Variants in IDE observed in about 807,000 individuals in gnomAD.
IDE encodes insulin-degrading enzyme.
A neutral mutation model predicts 133.2 loss-of-function variants in IDE; 58 were observed. The ratio of observed to expected loss-of-function variants is 0.44; its 90% CI spans 0.35 to 0.54. The LOEUF (loss-of-function observed/expected upper bound fraction) is 0.54. Among genes scored for constraint, IDE ranks in the 20% least tolerant of loss-of-function variants. IDE has a pLI of 0.00. For synonymous variants in IDE, 396 were observed against 421.3 expected (o/e 0.94, Z 0.73); for missense variants, 981 against 1,234.0 (o/e 0.79, Z 3.07).
chr10:92,458,660 C>T (rs555249700), intron 22 of IDE, among the ~76,000 whole-genome samples: 69 of 152,062 alleles, frequency 4.5e-4, no homozygotes, highest in Middle Eastern at 3.4e-3. Flanking sequence ...CACCACCACG[C>T]CTGGCTAATT....
At chr10:92,572,164 C>T (rs1407850727) in intron 1 of IDE, among the ~76,000 whole-genome samples, 1 of 152,204 alleles carries the variant, frequency 6.6e-6, no homozygotes, top group African/African-American at 2.4e-5. Flanking sequence ...ATACAAACCA[C>T]TTAGTTATAC....
At chr10:92,491,572 G>A (rs916808068) in intron 11 of IDE, among the ~76,000 whole-genome samples, 3 of 151,182 alleles carry the variant, frequency 2.0e-5, no homozygotes, top group Non-Finnish European at 2.9e-5. Context: ...AAGTAGCTGG[G>A]ATTACAGGCA....
At chr10:92,522,306 G>A (rs1376059072) in intron 4 of IDE, among the ~76,000 whole-genome samples, 2 of 152,040 alleles carry the variant, frequency 1.3e-5, no homozygotes, top group Non-Finnish European at 2.9e-5. Flanking sequence ...CCTAACTCAT[G>A]TTCTCCAAAA....
intron 18 of IDE, among the ~76,000 whole-genome samples, chr10:92,469,397 G>T (rs981058656): frequency 6.6e-6 from 1 of 152,032 alleles, no homozygotes; most frequent in African/African-American, 2.4e-5. Context: ...TGTTCTGGAG[G>T]GGGTATAGCA....
chr10:92,463,923 G>A lies in IDE; in HGVS notation c.2569C>T (p.His857Tyr), dbSNP rs766038121. 2 of 1,614,022 alleles carry A rather than the reference G, an allele frequency of 1.2e-6. No homozygotes were observed. Among genetic ancestry groups the A allele is most frequent in the South Asian group, 1.1e-5 (1 of 91,082 alleles). ...GCTTCCACTCTGCTTTCTAGGTAGTGAGGTGGCTTTTCTGACTGGATGATG... is the reference window on the plus strand; with the variant it reads ...GCTTCCACTCTGCTTTCTAGGTAGTAAGGTGGCTTTTCTGACTGGATGATG... The part of the protein sequence containing the change: ...RFIIQSEKPP[H>Y]YLESRVEAFL... The change falls in exon 21 of 25, where the codon CAC (histidine) becomes TAC (tyrosine). Residue 857 changes from histidine (H) to tyrosine (Y), a missense_variant. Coordinates refer to ENST00000265986, the MANE Select transcript of IDE (RefSeq NM_004969.4).
chr10:92,535,082 A>C (rs921900905), intron 2 of IDE, among the ~76,000 whole-genome samples: 19 of 152,164 alleles, frequency 1.2e-4, no homozygotes, highest in African/African-American at 4.6e-4. Context: ...CAGTTTTAAG[A>C]GGTAAAATTT....
At chr10:92,522,610 C>T (rs1318842174) in intron 4 of IDE, among the ~76,000 whole-genome samples, 1 of 152,118 alleles carries the variant, frequency 6.6e-6, no homozygotes, top group African/African-American at 2.4e-5. Context: ...ACTGCATCTC[C>T]GCTAAGATCC....
chr10:92,463,693 T>C (rs1396016971), intron 21 of IDE, 38 bp downstream of exon 21: 1 of 1,572,690 alleles, frequency 6.4e-7, no homozygotes, highest in Non-Finnish European at 8.7e-7. Context: ...AAATGTTACT[T>C]GAATGCCATA....
chr10:92,516,040 A>G (rs1207398211), intron 4 of IDE, among the ~76,000 whole-genome samples: 3 of 150,796 alleles, frequency 2.0e-5, no homozygotes, highest in Admixed American at 2.0e-4. Flanking sequence ...GTGGTGGCAC[A>G]TGCCTGTAAT....
chr10:92,537,558 G>GA lies in IDE; in HGVS notation c.99-9dup. Reference sequence around the variant, plus strand: ...TAAGTCTTTTTTTGGAAACTGAAAAGAAAGAGATTTTTAATTGTTGATTTG... The same window carrying GA: ...TAAGTCTTTTTTTGGAAACTGAAAAGAAAAGAGATTTTTAATTGTTGATTTG... On this transcript the variant is annotated splice_polypyrimidine_tract_variant and intron_variant, in intron 1 of 24. Coordinates refer to ENST00000265986, the MANE Select transcript of IDE (RefSeq NM_004969.4). 1 of 1,574,348 alleles carries GA rather than the reference G, an allele frequency of 6.4e-7. No homozygotes were observed. The highest frequency in any genetic ancestry group is 8.6e-7 in the Non-Finnish European group (1 of 1,156,320).
chr10:92,573,900 CCGGGCGCTCCATTCCGCTTACCCACA>C lies in IDE; in HGVS notation c.94_98+21del. 1 of 1,436,452 alleles carries C rather than the reference CCGGGCGCTCCATTCCGCTTACCCACA, an allele frequency of 7.0e-7. No individual in the cohort carries two copies. The highest frequency in any genetic ancestry group is 9.1e-7 in the Non-Finnish European group (1 of 1,097,484). The allele number at this position is 1,436,452 out of a possible 1,614,324, so 89.0% of individuals were successfully genotyped here. ...GCTGTGACCCACGGGGCCCGAGGGC[CCGGGCGCTCCATTCCGCTTACCCACA>C]CAGGCGCTCCGGAGGCGGCAGGCGG... On this transcript the variant is annotated splice_donor_variant and splice_donor_5th_base_variant and coding_sequence_variant and intron_variant, in exon 1 of 25. Coordinates refer to ENST00000265986, the MANE Select transcript of IDE (RefSeq NM_004969.4). LOFTEE classifies it high-confidence loss of function.
chr10:92,456,099 C>G (rs1844994192), intron 23 of IDE, among the ~76,000 whole-genome samples: 2 of 152,214 alleles, frequency 1.3e-5, no homozygotes, highest in African/African-American at 4.8e-5. Context: ...GTGGTTCATG[C>G]AGCCTGTTTG....
At chr10:92,503,719 C>CTTT (rs760461540) in intron 11 of IDE, among the ~76,000 whole-genome samples, 1 of 138,848 alleles carries the variant, frequency 7.2e-6, no homozygotes, top group African/African-American at 2.6e-5. Context: ...GTCAAAAAGA[C>CTTT]TTTTTTTTTT....
At chr10:92,529,014 T>C (rs1281925331) in intron 4 of IDE, among the ~76,000 whole-genome samples, 1 of 151,866 alleles carries the variant, frequency 6.6e-6, no homozygotes, top group Non-Finnish European at 1.5e-5. Context: ...GAGGCAGAGG[T>C]TGCAGTGAGC....
chr10:92,483,585 G>A (rs1224802471), intron 13 of IDE, among the ~76,000 whole-genome samples: 1 of 152,206 alleles, frequency 6.6e-6, no homozygotes, highest in African/African-American at 2.4e-5. Context: ...TGGGGGTACA[G>A]TGAAGGAAGA....
intron 17 of IDE, chr10:92,474,550 A>G (rs1396259568): frequency 5.5e-6 from 1 of 183,234 alleles, no homozygotes; most frequent in Non-Finnish European, 1.1e-5. Context: ...TTATATATAC[A>G]TATAATGTAT....
chr10:92,466,258 G>T (rs1337594465), intron 19 of IDE, among the ~76,000 whole-genome samples: 1 of 144,988 alleles, frequency 6.9e-6, no homozygotes, highest in Non-Finnish European at 1.5e-5. Context: ...AAAAAGCAGA[G>T]AGAGAGGAAC....
At chr10:92,524,183 A>G (rs1849384419) in intron 4 of IDE, among the ~76,000 whole-genome samples, 1 of 146,100 alleles carries the variant, frequency 6.8e-6, no homozygotes, top group South Asian at 2.1e-4. Context: ...GGTGGCAGGC[A>G]TGTAATCCCA....
intron 15 of IDE, 52 bp from the exon 16 acceptor site, chr10:92,476,046 T>G: frequency 1.5e-6 from 1 of 675,726 alleles, no homozygotes; most frequent in Non-Finnish European, 2.5e-6. Flanking sequence ...CAAAACAACT[T>G]CCAAATAAAC....
Sources: allele counts gnomAD v4.1 joint callset (sites outside exome capture counted in the v4.1 genomes callset), GRCh38; gene constraint gnomAD v4.1.1; transcripts MANE v1.5; gene names NCBI Gene and HGNC (gene_info 2026-07-23, HGNC 2026-07-21).